The following TTLL11 variants were observed in gnomAD, a reference collection of about 807,000 sequenced individuals.
TTLL11 encodes tubulin polyglutamylase TTLL11.
Under a neutral mutation model 51.7 loss-of-function variants are expected in TTLL11, and 42 were observed. The observed-to-expected ratio is 0.81, with a 90% CI of 0.64 to 1.05. TTLL11 has a LOEUF of 1.05. TTLL11 is among the 50% of genes least tolerant of loss of function. The pLI is 0.00. For synonymous variants in TTLL11, 381 were observed against 383.5 expected (o/e 0.99, Z 0.08); for missense variants, 799 against 940.4 (o/e 0.85, Z 1.97).
intron 6 of TTLL11, among the ~76,000 whole-genome samples, chr9:121,957,823 T>C (rs1247497224): frequency 6.6e-6 from 1 of 152,128 alleles, no homozygotes; most frequent in African/African-American, 2.4e-5. Context: ...TGGGGGTCGT[T>C]GTGGACAGAG....
chr9:121,904,427 G>C (rs753876501), intron 6 of TTLL11, among the ~76,000 whole-genome samples: 4 of 152,010 alleles, frequency 2.6e-5, no homozygotes, highest in Non-Finnish European at 5.9e-5. Context: ...TGCCCGCCTC[G>C]GCCTCCAAAA....
intron 4 of TTLL11, 196 bp downstream of exon 4, chr9:121,988,999 C>G (rs1588180288): frequency 7.4e-7 from 1 of 1,358,560 alleles, no homozygotes; most frequent in African/African-American, 1.5e-5. Flanking sequence ...GGGGAAGTAG[C>G]TTGCCCCAAA....
intron 3 of TTLL11, among the ~76,000 whole-genome samples, chr9:121,990,987 T>C (rs902709513): frequency 6.7e-6 from 1 of 149,120 alleles, no homozygotes; most frequent in African/African-American, 2.5e-5. Flanking sequence ...GGAGAGGAGG[T>C]TTTCACAAGC....
intron 6 of TTLL11, among the ~76,000 whole-genome samples, chr9:121,903,219 G>C (rs905115138): frequency 6.6e-6 from 1 of 152,144 alleles, no homozygotes; most frequent in African/African-American, 2.4e-5. Context: ...AAAAACTAAA[G>C]ATTAAAGAGA....
intron 1 of TTLL11, among the ~76,000 whole-genome samples, chr9:122,092,028 A>G (rs1320757101): frequency 6.6e-6 from 1 of 152,178 alleles, no homozygotes; most frequent in Non-Finnish European, 1.5e-5. Flanking sequence ...GGTGATGGTG[A>G]TGATGGTGGA....
chr9:122,079,581 C>T (rs1472414456), intron 1 of TTLL11, among the ~76,000 whole-genome samples: 3 of 151,756 alleles, frequency 2.0e-5, no homozygotes, highest in East Asian at 1.9e-4. Flanking sequence ...TGGTGGCGGG[C>T]GCCTATGGTC....
In TTLL11 at chr9:121,820,740, G is replaced by A. The variant is rs139202266; in HGVS notation, c.*1847C>T. On this transcript the variant is annotated 3_prime_UTR_variant, in exon 9 of 9. Coordinates refer to ENST00000321582, the MANE Select transcript of TTLL11 (RefSeq NM_001139442.2). ...TGACACCTCCACAGTGCCCCATGTA[G>A]AGAACACTCGACACACCTCAGGAGG... Among the ~76,000 whole-genome samples the A allele has an allele frequency of 1.3e-5, 2 of 151,916 alleles. No individual in the cohort carries two copies. The highest frequency in any genetic ancestry group is 2.1e-4 in the South Asian group (1 of 4,800).
intron 6 of TTLL11, among the ~76,000 whole-genome samples, chr9:121,887,749 A>G (rs556118410): frequency 6.6e-6 from 1 of 152,288 alleles, no homozygotes; most frequent in Non-Finnish European, 1.5e-5. Context: ...AAGATCCCCC[A>G]TGAAGAAAGT....
intron 6 of TTLL11, among the ~76,000 whole-genome samples, chr9:121,938,144 C>G (rs1311991581): frequency 2.0e-5 from 3 of 152,004 alleles, no homozygotes; most frequent in African/African-American, 7.2e-5. Flanking sequence ...AAAACATTAG[C>G]CGGGCATGGT....
chr9:122,036,931 T>A (rs530766089), intron 2 of TTLL11, among the ~76,000 whole-genome samples: 2 of 152,282 alleles, frequency 1.3e-5, no homozygotes, highest in East Asian at 3.9e-4. Context: ...TAATTTCTGT[T>A]AATAATGTGG....
intron 1 of TTLL11, among the ~76,000 whole-genome samples, chr9:122,090,082 C>G: frequency 6.6e-6 from 1 of 152,020 alleles, no homozygotes; most frequent in South Asian, 2.1e-4. Context: ...AAAAAGCCTA[C>G]CCACTGGGGG....
chr9:122,073,067 T>C (rs1162600208), intron 1 of TTLL11, among the ~76,000 whole-genome samples: 1 of 152,138 alleles, frequency 6.6e-6, no homozygotes, highest in Non-Finnish European at 1.5e-5. Flanking sequence ...GATCCAATAA[T>C]AACAATAATG....
At position 122,039,288 on chromosome 9, in the gene TTLL11, T is replaced by C. The variant is rs776145503; in HGVS notation, c.543A>G (p.Gln181=). 4.3e-6 allele frequency: 7 copies of C among 1,614,048 alleles called. No individual in the cohort carries two copies. The highest frequency in any genetic ancestry group is 3.3e-5 in the South Asian group (3 of 91,072). ...SFHDNDIFSG[Q]VNKFPGMTEM... ...AGCAGATACCTGGAAACTTGTTCACTTGACCGGAGAATATGTCATTGTCGT... is the reference window on the plus strand; with the variant it reads ...AGCAGATACCTGGAAACTTGTTCACCTGACCGGAGAATATGTCATTGTCGT... Residue 181 remains glutamine (Q), a synonymous_variant, in exon 2 of 9, where the codon CAA becomes CAG. Coordinates refer to ENST00000321582, the MANE Select transcript of TTLL11 (RefSeq NM_001139442.2).
In TTLL11 at chr9:121,846,367, C is replaced by A. The variant is rs188085962; in HGVS notation, c.1840+13970G>T. ...TCAACACCCCTCTATCAGTAACTGA[C>A]AGATCCAGCAGGCAGAAAATTGGTA... On this transcript the variant is annotated intron_variant, in intron 8 of 8. Coordinates refer to ENST00000321582, the MANE Select transcript of TTLL11 (RefSeq NM_001139442.2). 9.5e-4 allele frequency among the ~76,000 whole-genome samples: 144 copies of A among 152,258 alleles called. 1 individual carries two copies. Among genetic ancestry groups the A allele is most frequent in the African/African-American group, 3.2e-3 (135 of 41,554 alleles).
At chr9:121,899,285 A>C (rs1336382421) in intron 6 of TTLL11, among the ~76,000 whole-genome samples, 1 of 151,274 alleles carries the variant, frequency 6.6e-6, no homozygotes, top group Non-Finnish European at 1.5e-5. Context: ...AACACTCTTT[A>C]TGCACTTCTC....
In TTLL11 at chr9:121,826,557, G is replaced by GTGTATATATATATA. The variant is rs1189626793; in HGVS notation, c.1841-3679_1841-3678insTATATATATATACA. Among the ~76,000 whole-genome samples, 134 of 51,338 alleles carry GTGTATATATATATA rather than the reference G, an allele frequency of 2.6e-3. 7 individuals carry two copies. Among genetic ancestry groups the GTGTATATATATATA allele is most frequent in the African/African-American group, 9.3e-3 (132 of 14,194 alleles). The allele number at this position is 51,338 out of a possible 152,430, so 33.7% of individuals were successfully genotyped here. A position where few individuals can be genotyped will look rare whatever the true frequency, so the allele number is the denominator to read the frequency against. Reference sequence around the variant, plus strand: ...TGTGTGTATATATATATATGTGTGTGTATATATATATATATATATATATAT... The same window carrying GTGTATATATATATA: ...TGTGTGTATATATATATATGTGTGTGTGTATATATATATATATATATATATATATATATATATAT... On this transcript the variant is annotated intron_variant, in intron 8 of 8. Coordinates refer to ENST00000321582, the MANE Select transcript of TTLL11 (RefSeq NM_001139442.2).
chr9:121,965,146 C>A lies in TTLL11; in HGVS notation c.1481+8863G>T, dbSNP rs372661672. Among the ~76,000 whole-genome samples, 36 of 152,290 alleles carry A rather than the reference C, an allele frequency of 2.4e-4. No individual in the cohort carries two copies. In the South Asian group the frequency reaches 7.5e-3, roughly 32 times the overall value. On this transcript the variant is annotated intron_variant, in intron 6 of 8. Transcript: ENST00000321582. ...CCAGACTTTTTTATTTATGTAAAAT[C>A]TTCAAAGGTGCTTGGGGTCAATGTG...
intron 6 of TTLL11, among the ~76,000 whole-genome samples, chr9:121,960,396 G>A (rs548649493): frequency 5.3e-5 from 8 of 152,270 alleles, no homozygotes; most frequent in Admixed American, 5.2e-4. Flanking sequence ...TGTCAATACA[G>A]CTATGAATGT....
intron 1 of TTLL11, among the ~76,000 whole-genome samples, chr9:122,050,157 T>C (rs191204406): frequency 1.3e-5 from 2 of 152,278 alleles, no homozygotes; most frequent in African/African-American, 4.8e-5. Context: ...ATAAAACCTG[T>C]CCACCTCCCA....
Sources: allele counts gnomAD v4.1 joint callset (sites outside exome capture counted in the v4.1 genomes callset), GRCh38; gene constraint gnomAD v4.1.1; transcripts MANE v1.5; gene names NCBI Gene and HGNC (gene_info 2026-07-23, HGNC 2026-07-21).